The following GPM6A variants were observed in gnomAD, a reference collection of about 807,000 sequenced individuals.
The protein encoded by GPM6A is neuronal membrane glycoprotein M6-a.
In GPM6A, 7 loss-of-function variants were observed where a neutral mutation model predicts 32.1. The ratio of observed to expected loss-of-function variants is 0.22; its 90% confidence interval spans 0.12 to 0.41. The LOEUF (loss-of-function observed/expected upper bound fraction) is 0.41, where lower values mean the gene tolerates loss of function less well. GPM6A is among the 10% of genes least tolerant of loss of function. The probability of loss-of-function intolerance (pLI) is 1.00; values close to 1 mark genes in which losing one functional copy is unlikely to be tolerated. For missense variants in GPM6A, 235 were observed against 347.2 expected (o/e 0.68, Z 2.57); for synonymous variants, 130 against 123.4 (o/e 1.05, Z -0.35).
At chr4:175,881,747 A>G (rs934652749) in intron 1 of GPM6A, among the ~76,000 whole-genome samples, 2 of 152,174 alleles carry the variant, frequency 1.3e-5, no homozygotes, top group African/African-American at 4.8e-5. Context: ...CACAAGGACA[A>G]AAAACCAAAC....
Position 175,797,696 on chromosome 4 carries a change from C to T in GPM6A, c.37+14495G>A, listed in dbSNP as rs183484322. ...ATTTTACAATACTTTTTGAAGTAGT[C>T]AAGGGCTTATGTACATGATTGTAGG... On this transcript the variant is annotated intron_variant, in intron 1 of 6. Coordinates refer to ENST00000393658, the MANE Select transcript of GPM6A (RefSeq NM_201591.3). Among the ~76,000 whole-genome samples, 24 of 152,254 alleles carry T rather than the reference C, an allele frequency of 1.6e-4. No homozygotes were observed. In the East Asian group the frequency reaches 4.4e-3, roughly 28 times the overall value.
At chr4:175,853,504 CTT>C (rs70962425) in intron 1 of GPM6A, among the ~76,000 whole-genome samples, 18 of 137,614 alleles carry the variant, frequency 1.3e-4, no homozygotes, top group Non-Finnish European at 1.6e-4. Flanking sequence ...CAAACAAGTT[CTT>C]TTTTTTTTTT....
At chr4:175,703,319 A>ATG (rs1744983647) in intron 1 of GPM6A, among the ~76,000 whole-genome samples, 2 of 151,652 alleles carry the variant, frequency 1.3e-5, no homozygotes, top group Admixed American at 6.6e-5. Context: ...CTACTGGCGC[A>ATG]CGTCACCACA....
intron 1 of GPM6A, among the ~76,000 whole-genome samples, chr4:175,719,727 C>A (rs1246998577): frequency 6.6e-6 from 1 of 152,076 alleles, no homozygotes; most frequent in Non-Finnish European, 1.5e-5. Flanking sequence ...AGACAAATGG[C>A]CGTACTTCAA....
chr4:175,970,889 T>G, intron 1 of GPM6A: 1 of 453,894 alleles, frequency 2.2e-6, no homozygotes, highest in Non-Finnish European at 4.4e-6. Flanking sequence ...TAGGCATCAC[T>G]CGATACCGAC....
intron 4 of GPM6A, among the ~76,000 whole-genome samples, chr4:175,645,584 G>T (rs925408175): frequency 7.9e-5 from 12 of 152,124 alleles, no homozygotes; most frequent in African/African-American, 2.7e-4. Flanking sequence ...AGCCAGGCAT[G>T]GTGGCACACG....
chr4:175,836,913 C>A (rs745556616), intron 1 of GPM6A, among the ~76,000 whole-genome samples: 1 of 152,116 alleles, frequency 6.6e-6, no homozygotes, highest in East Asian at 1.9e-4. Context: ...ACAACTCCCC[C>A]AGGATGTCCG....
At chr4:175,963,589 A>G (rs920821374) in intron 1 of GPM6A, among the ~76,000 whole-genome samples, 1 of 152,154 alleles carries the variant, frequency 6.6e-6, no homozygotes, top group African/African-American at 2.4e-5. Flanking sequence ...AAAAATGAAA[A>G]TTGAGGATGT....
At chr4:175,898,521 A>C (rs1737861702) in intron 1 of GPM6A, among the ~76,000 whole-genome samples, 1 of 152,100 alleles carries the variant, frequency 6.6e-6, no homozygotes, top group Non-Finnish European at 1.5e-5. Flanking sequence ...ATGCCCAAGA[A>C]TGACCTTGCA....
intron 2 of GPM6A, among the ~76,000 whole-genome samples, chr4:175,686,843 C>G (rs190701005): frequency 1.3e-3 from 201 of 152,302 alleles, no homozygotes; most frequent in African/African-American, 4.4e-3. Context: ...TTGTCTAATG[C>G]ACTTGTATGC....
intron 3 of GPM6A, among the ~76,000 whole-genome samples, chr4:175,658,720 G>T (rs1277862291): frequency 6.6e-6 from 1 of 152,120 alleles, no homozygotes; most frequent in African/African-American, 2.4e-5. Flanking sequence ...CAATTTTGCT[G>T]TGAAACCTAA....
At chr4:175,805,397 C>T (rs1207275464) in intron 1 of GPM6A, among the ~76,000 whole-genome samples, 2 of 152,120 alleles carry the variant, frequency 1.3e-5, no homozygotes, top group African/African-American at 4.8e-5. Context: ...TATTATAAAT[C>T]AATGAAGAAT....
At chr4:175,674,017 G>C (rs1579369897) in intron 2 of GPM6A, among the ~76,000 whole-genome samples, 181 bp from the exon 3 acceptor site, 1 of 152,078 alleles carries the variant, frequency 6.6e-6, no homozygotes, top group Non-Finnish European at 1.5e-5. Flanking sequence ...CAATTTTTTT[G>C]CTGCCACTTC....
At chr4:175,782,762 TAATA>T (rs533475154) in intron 1 of GPM6A, among the ~76,000 whole-genome samples, 54 of 152,114 alleles carry the variant, frequency 3.5e-4, no homozygotes, top group Non-Finnish European at 5.6e-4. Context: ...TAGAACTTAT[TAATA>T]AATAAATGTC....
At chr4:175,740,720 CTT>C (rs1301291830) in intron 1 of GPM6A, among the ~76,000 whole-genome samples, 1 of 151,992 alleles carries the variant, frequency 6.6e-6, no homozygotes, top group Non-Finnish European at 1.5e-5. Flanking sequence ...GAGTTTACCT[CTT>C]TTAGTTTTTA....
intron 1 of GPM6A, among the ~76,000 whole-genome samples, chr4:175,914,253 G>A (rs183018918): frequency 6.6e-6 from 1 of 152,306 alleles, no homozygotes; most frequent in East Asian, 1.9e-4. Flanking sequence ...CATGCTGCAT[G>A]TGGAAAGACG....
chr4:175,987,562 A>T (rs928326054), intron 1 of GPM6A, among the ~76,000 whole-genome samples: 1 of 149,556 alleles, frequency 6.7e-6, no homozygotes, highest in Non-Finnish European at 1.5e-5. Flanking sequence ...GTTTGTCTTT[A>T]TATTAATTGA....
At chr4:175,724,052 T>A (rs185709502) in intron 1 of GPM6A, among the ~76,000 whole-genome samples, 1 of 152,220 alleles carries the variant, frequency 6.6e-6, no homozygotes, top group Admixed American at 6.5e-5. Flanking sequence ...AACCAAGATA[T>A]GGGATTAATC....
At chr4:175,650,981 T>C (rs536922037) in intron 4 of GPM6A, among the ~76,000 whole-genome samples, 2 of 152,302 alleles carry the variant, frequency 1.3e-5, no homozygotes, top group African/African-American at 4.8e-5. Flanking sequence ...GAATCTCAAA[T>C]AGGCTGAGAT....
Sources: allele counts gnomAD v4.1 joint callset (sites outside exome capture counted in the v4.1 genomes callset), GRCh38; gene constraint gnomAD v4.1.1; transcripts MANE v1.5; gene names NCBI Gene and HGNC (gene_info 2026-07-23, HGNC 2026-07-21).